The following IPO8 variants were observed in gnomAD, a reference collection of about 807,000 sequenced individuals.
The protein encoded by IPO8 is importin-8.
In IPO8, 65 loss-of-function variants were observed where a neutral mutation model predicts 141.2. The ratio of observed to expected loss-of-function variants is 0.46; its 90% CI spans 0.38 to 0.57. The LOEUF is 0.57. Among genes scored for constraint, IPO8 ranks in the 20% least tolerant of loss-of-function variants. The probability of loss-of-function intolerance (pLI) is 0.00; values close to 1 mark genes in which losing one functional copy is unlikely to be tolerated. For missense variants in IPO8, 980 were observed against 1,246.8 expected (o/e 0.79, Z 3.22); for synonymous variants, 411 against 420.3 (o/e 0.98, Z 0.27).
At chr12:30,660,554 T>C (rs1270086133) in intron 16 of IPO8, among the ~76,000 whole-genome samples, 1 of 152,228 alleles carries the variant, frequency 6.6e-6, no homozygotes. Flanking sequence ...GTGCTAGCTA[T>C]GTCATGGTGG....
intron 1 of IPO8, among the ~76,000 whole-genome samples, chr12:30,692,136 T>A (rs993514886): frequency 6.6e-6 from 1 of 152,232 alleles, no homozygotes; most frequent in Non-Finnish European, 1.5e-5. Flanking sequence ...GAATCAAAGA[T>A]TAAAACATCT....
intron 20 of IPO8, among the ~76,000 whole-genome samples, chr12:30,641,892 G>C (rs2052579668): frequency 6.6e-6 from 1 of 152,030 alleles, no homozygotes; most frequent in South Asian, 2.1e-4. Context: ...TCATGAATCT[G>C]AATTAGAAAT....
intron 2 of IPO8, among the ~76,000 whole-genome samples, chr12:30,687,604 G>A (rs1432220702): frequency 6.6e-6 from 1 of 151,776 alleles, no homozygotes; most frequent in Non-Finnish European, 1.5e-5. Context: ...CTCTGTGAAA[G>A]GCTAGATTAG....
intron 19 of IPO8, among the ~76,000 whole-genome samples, chr12:30,651,672 T>C (rs1157471571): frequency 6.6e-6 from 1 of 152,092 alleles, no homozygotes; most frequent in Non-Finnish European, 1.5e-5. Context: ...GGGCCAAACC[T>C]ATCTTGTGGC....
chr12:30,678,186 G>C (rs2053147440), intron 5 of IPO8, among the ~76,000 whole-genome samples: 1 of 151,864 alleles, frequency 6.6e-6, no homozygotes, highest in African/African-American at 2.4e-5. Flanking sequence ...AGCTAAGCTA[G>C]GGTTAATTTA....
chr12:30,631,695 T>C (rs2052434946), intron 24 of IPO8, 200 bp downstream of exon 24: 1 of 481,888 alleles, frequency 2.1e-6, no homozygotes, highest in African/African-American at 2.0e-5. Context: ...GAAATACATA[T>C]TAATGTGCAG....
In IPO8 at chr12:30,678,794, A is replaced by G. The variant is rs2053154401; in HGVS notation, c.639+1688T>C. Among the ~76,000 whole-genome samples, 6 of 152,170 alleles carry G rather than the reference A, an allele frequency of 3.9e-5. No homozygotes were observed. The South Asian group carries it at 1.2e-3, about 31-fold the overall frequency. ...GCTGAGCTTATGTATAGAATATCCAAGTGTCCTGTACAAATATTATGCTAC... is the reference window on the plus strand; with the variant it reads ...GCTGAGCTTATGTATAGAATATCCAGGTGTCCTGTACAAATATTATGCTAC... On this transcript the variant is annotated intron_variant, in intron 5 of 24. Transcript: ENST00000256079.
intron 20 of IPO8, among the ~76,000 whole-genome samples, chr12:30,642,646 T>TTA (rs1351084440): frequency 1.3e-4 from 19 of 151,056 alleles, no homozygotes; most frequent in Admixed American, 9.9e-4. Context: ...ATAGTACATA[T>TTA]TATATATATA....
chr12:30,680,758 C>T (rs1191873647), intron 4 of IPO8, 120 bp from the exon 5 acceptor site: 2 of 767,812 alleles, frequency 2.6e-6, no homozygotes, highest in African/African-American at 3.6e-5. Context: ...TTAACATTGG[C>T]TTCTAGTTTG....
intron 20 of IPO8, among the ~76,000 whole-genome samples, chr12:30,647,581 G>A (rs2052664815): frequency 8.6e-6 from 1 of 116,692 alleles, no homozygotes; most frequent in Non-Finnish European, 1.7e-5. Context: ...CTCCAGCCCA[G>A]GTGATAGAAT....
intron 5 of IPO8, among the ~76,000 whole-genome samples, chr12:30,678,203 C>T (rs1345061411): frequency 6.6e-6 from 1 of 151,626 alleles, no homozygotes; most frequent in Non-Finnish European, 1.5e-5. Context: ...TTTATTATTG[C>T]AGATAAATTT....
Position 30,679,986 on chromosome 12 carries a change from AT to A in IPO8, c.639+495del, listed in dbSNP as rs202159223. Among the ~76,000 whole-genome samples the A allele has an allele frequency of 7.2e-3, 1,056 of 146,506 alleles. 28 individuals carry two copies. Among genetic ancestry groups the A allele is most frequent in the East Asian group, 0.072 (364 of 5,066 alleles). Reference sequence around the variant, plus strand: ...TGTTGGTATCCCTTATAGCATTCAGATTTTTTTTTTTTAGGCAGTATTTTAA... The same window carrying A: ...TGTTGGTATCCCTTATAGCATTCAGATTTTTTTTTTTAGGCAGTATTTTAA... On this transcript the variant is annotated intron_variant, in intron 5 of 24. Transcript: ENST00000256079.
intron 15 of IPO8, among the ~76,000 whole-genome samples, 195 bp from the exon 16 acceptor site, chr12:30,661,461 T>C (rs1336979757): frequency 6.6e-6 from 1 of 152,170 alleles, no homozygotes; most frequent in East Asian, 1.9e-4. Context: ...GCTATTTACA[T>C]TAACTATTAT....
chr12:30,631,671 G>A, intron 24 of IPO8: 1 of 387,282 alleles, frequency 2.6e-6, no homozygotes. Flanking sequence ...GAATGTGAAT[G>A]AGAACACCAC....
intron 9 of IPO8, among the ~76,000 whole-genome samples, chr12:30,670,643 C>T (rs2053034134): frequency 6.6e-6 from 1 of 152,180 alleles, no homozygotes; most frequent in Non-Finnish European, 1.5e-5. Context: ...CAAAATACCT[C>T]ATTTAATCCT....
At position 30,634,147 on chromosome 12, in the gene IPO8, G is replaced by C; in HGVS notation, c.2835C>G (p.Phe945Leu). The C allele has an allele frequency of 6.2e-7, 1 of 1,613,962 alleles. No homozygotes were observed. The highest frequency in any genetic ancestry group is 8.5e-7 in the Non-Finnish European group (1 of 1,179,898). ...TATTGTCAAGGTCAAGTGGAGTACTGAACCCCTCAAGCGCGGTTTCTTCCA... is the reference window on the plus strand; with the variant it reads ...TATTGTCAAGGTCAAGTGGAGTACTCAACCCCTCAAGCGCGGTTTCTTCCA... The part of the protein sequence containing the change: ...EVLEETALEG[F>L]STPLDLDNSV... Residue 945 changes from phenylalanine (F) to leucine (L), a missense_variant, in exon 23 of 25, where the codon TTC becomes TTG. Phe to Leu is a conservative substitution (Grantham distance 22). Around this residue, in one of 3 missense-constraint regions of IPO8, gnomAD observed 924 missense variants for 1,153.9 expected, o/e 0.80. Transcript: ENST00000256079.
Position 30,630,084 on chromosome 12 carries a change from T to G in IPO8, c.*776A>C, listed in dbSNP as rs2052409537. ...CAGTGACTAAAGAGCCCCTGCCACT[T>G]GCTGCCAAGAAAATGAGTCCTGAAC... On this transcript the variant is annotated 3_prime_UTR_variant, in exon 25 of 25. Coordinates refer to ENST00000256079, the MANE Select transcript of IPO8 (RefSeq NM_006390.4). 6.6e-6 allele frequency: 1 copy of G among 152,182 alleles called. No homozygotes were observed. Among genetic ancestry groups the G allele is most frequent in the Non-Finnish European group, 1.5e-5 (1 of 68,040 alleles). 9.4% of individuals were successfully genotyped at this position (152,182 alleles called of 1,614,324 possible).
rs569712543 is a variant in IPO8 at position 30,676,972 on chromosome 12, T to C, written c.640-385A>G. 5 of 1,532,540 alleles carry C rather than the reference T, an allele frequency of 3.3e-6. No homozygotes were observed. In the East Asian group the frequency reaches 9.8e-5, roughly 30 times the overall value. 94.9% of individuals were successfully genotyped at this position (1,532,540 alleles called of 1,614,324 possible). ...TTCATTAAACACTCATGAAACATTT[T>C]TTTAAATTACTTTCCTCTACACTGT... is the stretch of plus-strand genomic sequence containing the variant. On this transcript the variant is annotated intron_variant, in intron 5 of 24. Coordinates refer to ENST00000256079, the MANE Select transcript of IPO8 (RefSeq NM_006390.4).
In IPO8 at chr12:30,639,578, T is replaced by C; in HGVS notation, c.2426A>G (p.Asn809Ser). 1 of 1,614,074 alleles carries C rather than the reference T, an allele frequency of 6.2e-7. No homozygotes were observed. Among genetic ancestry groups the C allele is most frequent in the Non-Finnish European group, 8.5e-7 (1 of 1,179,970 alleles). The stretch of plus-strand genomic sequence containing the variant: ...AAACTGTACAGTGATAGGTCCAGGG[T>C]TGTGAGGCAACTGAATTCGTTCTAA... ...HTLERIQLPH[N>S]PGPITVQFIN... is the part of the protein sequence containing the mutation. Residue 809 changes from asparagine to serine, a missense_variant, in exon 21 of 25, where the codon AAC (asparagine) becomes AGC (serine). This residue lies in a region of IPO8 where 924 missense variants were observed against 1,153.9 expected (regional missense o/e 0.80). Coordinates refer to ENST00000256079, the MANE Select transcript of IPO8 (RefSeq NM_006390.4).
Sources: gnomAD v4.1 joint callset for allele counts (sites outside exome capture counted in the v4.1 genomes callset) on GRCh38, gnomAD v4.1.1 for gene constraint, gnomAD v4.1.1 regional missense constraint, MANE v1.5 for transcripts, NCBI Gene and HGNC (gene_info 2026-07-23, HGNC 2026-07-21) for gene names.